The following NCOA3 variants were observed in gnomAD, a reference collection of about 807,000 sequenced individuals.
The protein encoded by NCOA3 is nuclear receptor coactivator 3.
A neutral mutation model predicts 158.8 loss-of-function variants in NCOA3; 51 were observed. The observed-to-expected ratio is 0.32, with a 90% CI of 0.26 to 0.41. NCOA3 has a LOEUF of 0.41. NCOA3 is among the 10% of genes least tolerant of loss of function. NCOA3 has a pLI of 1.00. For synonymous variants in NCOA3, 537 were observed against 592.4 expected (o/e 0.91, Z 1.36); for missense variants, 1,510 against 1,746.6 (o/e 0.86, Z 2.41).
chr20:47,616,958 C>G (rs986077851), intron 2 of NCOA3, among the ~76,000 whole-genome samples: 3 of 151,828 alleles, frequency 2.0e-5, no homozygotes, highest in East Asian at 1.9e-4. Context: ...ATAGACTGTT[C>G]TTTTTTTTCT....
intron 17 of NCOA3, among the ~76,000 whole-genome samples, chr20:47,643,763 C>T (rs1023058053): frequency 6.6e-6 from 1 of 151,734 alleles, no homozygotes; most frequent in African/African-American, 2.4e-5. Flanking sequence ...ATCTTTATTC[C>T]ACCCTCCTAC....
intron 1 of NCOA3, among the ~76,000 whole-genome samples, chr20:47,544,347 G>A (rs1186434817): frequency 8.7e-6 from 1 of 115,356 alleles, no homozygotes; most frequent in Non-Finnish European, 1.7e-5. Context: ...TCCCTTAAAC[G>A]CAGGGTCTCA....
At chr20:47,509,092 A>G (rs1176281330) in intron 1 of NCOA3, among the ~76,000 whole-genome samples, 2 of 152,208 alleles carry the variant, frequency 1.3e-5, no homozygotes, top group South Asian at 2.1e-4. Flanking sequence ...TGCAGCTTTC[A>G]GTGCTGACTT....
At chr20:47,599,407 G>C (rs2085820715) in intron 2 of NCOA3, among the ~76,000 whole-genome samples, 1 of 151,778 alleles carries the variant, frequency 6.6e-6, no homozygotes, top group Non-Finnish European at 1.5e-5. Flanking sequence ...GAGCAGGGGG[G>C]AATAACAGCT....
Position 47,647,147 on chromosome 20 carries a change from A to G in NCOA3, c.3327A>G (p.Gly1109=), listed in dbSNP as rs1427854226. 6.2e-7 allele frequency: 1 copy of G among 1,614,212 alleles called. No homozygotes were observed. Among genetic ancestry groups the G allele is most frequent in the East Asian group, 2.2e-5 (1 of 44,878 alleles). The change falls in exon 18 of 23, where the codon GGA becomes GGG. Residue 1109 remains glycine, a synonymous_variant. Transcript: ENST00000371998. ...CAGTAATGATGGATCAGAAGGCAGG[A>G]TTATATGGACAGACATACCCAGCAC... The part of the protein sequence containing the change: ...EAAVMMDQKA[G]LYGQTYPAQG...
chr20:47,560,987 T>G (rs2085093589), intron 1 of NCOA3, among the ~76,000 whole-genome samples: 1 of 148,906 alleles, frequency 6.7e-6, no homozygotes, highest in Admixed American at 6.7e-5. Flanking sequence ...TTTTTTTTTT[T>G]TTGAGATAGG....
rs1263371368 is a variant in NCOA3, at chr20:47,572,886, CT to C, written c.-98-10295del. Among the ~76,000 whole-genome samples the C allele has an allele frequency of 2.6e-5, 4 of 152,066 alleles. No individual in the cohort carries two copies. In the East Asian group the frequency reaches 7.7e-4, roughly 29 times the overall value. Reference sequence around the variant, plus strand: ...GAGAGATGTGCATTTCTTCCTTTTACTTACTTGAACACTTAGAGACCACTAT... The same window carrying C: ...GAGAGATGTGCATTTCTTCCTTTTACTACTTGAACACTTAGAGACCACTAT... On this transcript the variant is annotated intron_variant, in intron 1 of 22. Coordinates refer to ENST00000371998, the MANE Select transcript of NCOA3 (RefSeq NM_181659.3).
intron 17 of NCOA3, among the ~76,000 whole-genome samples, chr20:47,646,288 G>T (rs2086684657): frequency 6.6e-6 from 1 of 152,174 alleles, no homozygotes; most frequent in Non-Finnish European, 1.5e-5. Context: ...ATTCAGTCAG[G>T]TACAGCTACC....
intron 1 of NCOA3, among the ~76,000 whole-genome samples, chr20:47,512,342 G>A (rs1275149655): frequency 2.0e-5 from 3 of 151,818 alleles, no homozygotes; most frequent in East Asian, 1.9e-4. Flanking sequence ...AGGCTGAGGC[G>A]GGCGGATCGT....
intron 22 of NCOA3, 38 bp from the exon 23 acceptor site, chr20:47,653,368 A>ATTTTTTTTTTTTTTTTTTT: frequency 7.2e-7 from 1 of 1,389,738 alleles, no homozygotes; most frequent in Non-Finnish European, 9.6e-7. Flanking sequence ...TGTTTTACTC[A>ATTTTTTTTTTTTTTTTTTT]TTTTTTTTTT....
chr20:47,557,326 T>A (rs2085022793), intron 1 of NCOA3, among the ~76,000 whole-genome samples: 1 of 152,224 alleles, frequency 6.6e-6, no homozygotes, highest in African/African-American at 2.4e-5. Flanking sequence ...GCCCACCATG[T>A]GTTAGGAATT....
intron 1 of NCOA3, among the ~76,000 whole-genome samples, chr20:47,513,911 T>C (rs2146061283): frequency 6.6e-6 from 1 of 152,128 alleles, no homozygotes; most frequent in South Asian, 2.1e-4. Context: ...ATATTATACA[T>C]CAATTTAAAG....
At chr20:47,559,726 C>G (rs2085068407) in intron 1 of NCOA3, among the ~76,000 whole-genome samples, 1 of 151,574 alleles carries the variant, frequency 6.6e-6, no homozygotes, top group African/African-American at 2.4e-5. Context: ...ACTAAAAATA[C>G]AAAAAAATTA....
At chr20:47,572,780 G>A (rs1165271048) in intron 1 of NCOA3, among the ~76,000 whole-genome samples, 1 of 152,004 alleles carries the variant, frequency 6.6e-6, no homozygotes, top group South Asian at 2.1e-4. Flanking sequence ...CAAGTCATCT[G>A]CCCGGCTCAG....
chr20:47,561,639 C>A (rs950370732), intron 1 of NCOA3, among the ~76,000 whole-genome samples: 73 of 151,976 alleles, frequency 4.8e-4, no homozygotes, highest in Non-Finnish European at 8.1e-4. Context: ...TTTTAAAGAG[C>A]AGTTTAAGGT....
chr20:47,564,108 G>C (rs957999227), intron 1 of NCOA3, among the ~76,000 whole-genome samples: 8 of 151,564 alleles, frequency 5.3e-5, no homozygotes, highest in African/African-American at 1.9e-4. Flanking sequence ...GCTGCAGTGA[G>C]CCATGTACTC....
At chr20:47,503,851 C>T (rs1268230033) in intron 1 of NCOA3, among the ~76,000 whole-genome samples, 2 of 152,128 alleles carry the variant, frequency 1.3e-5, no homozygotes, top group African/African-American at 4.8e-5. Flanking sequence ...TTCTGCATTT[C>T]AATGAGCAGA....
chr20:47,524,969 TGTTTCTCGCAGAGGGG>T (rs2084404034), intron 1 of NCOA3, among the ~76,000 whole-genome samples: 2 of 151,608 alleles, frequency 1.3e-5, no homozygotes, highest in Admixed American at 6.6e-5. Flanking sequence ...CATTCTTGGG[TGTTTCTCGCAGAGGGG>T]GATTTGGCAG....
At chr20:47,525,463 G>A (rs1165366561) in intron 1 of NCOA3, among the ~76,000 whole-genome samples, 3 of 150,844 alleles carry the variant, frequency 2.0e-5, no homozygotes, top group Non-Finnish European at 3.0e-5. Context: ...CCTCCCAGAC[G>A]GGGTGGTGGC....
Sources: allele counts gnomAD v4.1 joint callset (sites outside exome capture counted in the v4.1 genomes callset), GRCh38; gene constraint gnomAD v4.1.1; transcripts MANE v1.5; gene names NCBI Gene and HGNC (gene_info 2026-07-23, HGNC 2026-07-21).